LAMA3: variants seen among roughly 807,000 people sequenced by gnomAD.
LAMA3 encodes the protein laminin subunit alpha 3.
A neutral mutation model predicts 402.0 loss-of-function variants in LAMA3; 281 were observed. The observed-to-expected ratio is 0.70, with a 90% CI of 0.63 to 0.77. LAMA3 has a LOEUF of 0.77. Among genes scored for constraint, LAMA3 ranks in the 30% least tolerant of loss-of-function variants. The pLI, the probability that LAMA3 is intolerant of heterozygous loss-of-function variation, is 0.00. For synonymous variants in LAMA3, 1,431 were observed against 1,558.4 expected (o/e 0.92, Z 1.93); for missense variants, 3,840 against 4,215.5 (o/e 0.91, Z 2.47).
Position 23,713,953 on chromosome 18 carries a change from C to G in LAMA3, c.328C>G (p.Pro110Ala). 1 of 1,613,576 alleles carries G rather than the reference C, an allele frequency of 6.2e-7. No homozygotes were observed. The highest frequency in any genetic ancestry group is 8.5e-7 in the Non-Finnish European group (1 of 1,179,924). The change falls in exon 2 of 75, where the codon CCC (proline) becomes GCC (alanine). Residue 110 changes from proline to alanine, a missense_variant. Pro to Ala is a conservative substitution (Grantham distance 27, BLOSUM62 -1). Transcript: ENST00000313654. ...CTGTGACTATTGCAATTCTGAAGAC[C>G]CCAGGAAAGCACATCCTGTCACCAA... is the stretch of plus-strand genomic sequence containing the variant. ...QFCDYCNSED[P>A]RKAHPVTNAI...
intron 65 of LAMA3, chr18:23,931,762 G>C: frequency 3.9e-6 from 1 of 255,246 alleles, no homozygotes; most frequent in Non-Finnish European, 7.6e-6. Context: ...GATAGAGGGA[G>C]GGAGGCTATA....
At chr18:23,774,055 T>G (rs1385790319) in intron 9 of LAMA3, among the ~76,000 whole-genome samples, 1 of 152,144 alleles carries the variant, frequency 6.6e-6, no homozygotes, top group African/African-American at 2.4e-5. Flanking sequence ...AAACCCTGTC[T>G]CTACTAAATA....
intron 2 of LAMA3, among the ~76,000 whole-genome samples, chr18:23,741,016 C>T (rs1568132418): frequency 6.6e-6 from 1 of 151,194 alleles, no homozygotes. Flanking sequence ...TGCAGTGGTG[C>T]GACCTTGGTT....
At chr18:23,812,603 A>G (rs1941516) in intron 13 of LAMA3, among the ~76,000 whole-genome samples, 72,698 of 152,086 alleles carry the variant, frequency 0.48, 19,665 homozygotes, top group Non-Finnish European at 0.63. Context: ...AAGTCAGGAA[A>G]ACAAACCAAT....
chr18:23,765,303 CT>C (rs1598745743), intron 8 of LAMA3, among the ~76,000 whole-genome samples: 2 of 152,126 alleles, frequency 1.3e-5, no homozygotes, highest in South Asian at 2.1e-4. Context: ...AGGGAAATCC[CT>C]AATTCTGTAT....
At chr18:23,757,597 G>A (rs1034537651) in intron 6 of LAMA3, among the ~76,000 whole-genome samples, 2 of 152,042 alleles carry the variant, frequency 1.3e-5, no homozygotes, top group Non-Finnish European at 2.9e-5. Flanking sequence ...GAGTGGTGGC[G>A]CGATCTTAGG....
rs774249705 is a variant in LAMA3, at chr18:23,912,767, T to C, written c.7215T>C (p.Asn2405=). Residue 2405 remains asparagine (N), a synonymous_variant, in exon 56 of 75, where the codon AAT becomes AAC. Coordinates refer to ENST00000313654, the MANE Select transcript of LAMA3 (RefSeq NM_198129.4). Reference sequence around the variant, plus strand: ...CTGGAGTCGAAGTCCGACTGCCAAATGACCTGGAAGATTTGAAAGGATATA... The same window carrying C: ...CTGGAGTCGAAGTCCGACTGCCAAACGACCTGGAAGATTTGAAAGGATATA... ...GKSGVEVRLP[N]DLEDLKGYTS... The C allele has an allele frequency of 6.2e-7, 1 of 1,614,162 alleles. No homozygotes were observed. The highest frequency in any genetic ancestry group is 1.1e-5 in the South Asian group (1 of 91,080).
At chr18:23,717,429 C>T (rs1172733286) in intron 2 of LAMA3, among the ~76,000 whole-genome samples, 1 of 151,824 alleles carries the variant, frequency 6.6e-6, no homozygotes, top group Non-Finnish European at 1.5e-5. Flanking sequence ...GTCAATTTGA[C>T]AGCTTATGCT....
chr18:23,848,682 C>T (rs2063877238), intron 32 of LAMA3, among the ~76,000 whole-genome samples: 1 of 152,306 alleles, frequency 6.6e-6, no homozygotes, highest in Middle Eastern at 3.4e-3. Flanking sequence ...CAGTGACTCC[C>T]ACTTGAGGGT....
chr18:23,939,313 G>A lies in LAMA3; in HGVS notation c.8953G>A (p.Gly2985Arg). ...SPLPKTQANH[G>R]ALQFGDIPTS... ...ACTTCCCAAGACCCAGGCCAATCATGGAGCCCTCCAGTTTGGGGACATTCC... is the reference window on the plus strand; with the variant it reads ...ACTTCCCAAGACCCAGGCCAATCATAGAGCCCTCCAGTTTGGGGACATTCC... The change falls in exon 68 of 75, where the codon GGA becomes AGA. Residue 2985 changes from glycine (G) to arginine (R), a missense_variant. Gly to Arg is a moderately radical substitution (Grantham distance 125). Coordinates refer to ENST00000313654, the MANE Select transcript of LAMA3 (RefSeq NM_198129.4). 2 of 1,614,168 alleles carry A rather than the reference G, an allele frequency of 1.2e-6. No individual in the cohort carries two copies. Among genetic ancestry groups the A allele is most frequent in the Non-Finnish European group, 1.7e-6 (2 of 1,180,010 alleles).
intron 4 of LAMA3, among the ~76,000 whole-genome samples, chr18:23,749,861 C>T (rs1410337070): frequency 6.6e-6 from 1 of 152,134 alleles, no homozygotes; most frequent in South Asian, 2.1e-4. Context: ...TGACCCCTTA[C>T]CTCTTCACCT....
In LAMA3 at chr18:23,918,131, C is replaced by G. The variant is rs1423453527; in HGVS notation, c.7923+1436C>G. Among the ~76,000 whole-genome samples, 1 of 152,152 alleles carries G rather than the reference C, an allele frequency of 6.6e-6. No individual in the cohort carries two copies. Among genetic ancestry groups the G allele is most frequent in the African/African-American group, 2.4e-5 (1 of 41,428 alleles). Reference sequence around the variant, plus strand: ...TATGACTAGCCAGTTATCCCAGCATCACTTATTGAATAGGGAGTCCTTTCC... The same window carrying G: ...TATGACTAGCCAGTTATCCCAGCATGACTTATTGAATAGGGAGTCCTTTCC... On this transcript the variant is annotated intron_variant, in intron 60 of 74. Transcript: ENST00000313654. This position sits in a 1 kb window ranked among gnomAD's most constrained non-coding sequence, Gnocchi z 4.1.
chr18:23,715,888 A>G (rs890660726), intron 2 of LAMA3, among the ~76,000 whole-genome samples: 1 of 152,230 alleles, frequency 6.6e-6, no homozygotes, highest in African/African-American at 2.4e-5. Context: ...GAGATTTCTT[A>G]GAATGAATGT....
intron 39 of LAMA3, among the ~76,000 whole-genome samples, chr18:23,878,201 A>G (rs2064785501): frequency 6.6e-6 from 1 of 152,266 alleles, no homozygotes; most frequent in Non-Finnish European, 1.5e-5. Context: ...GCCAAAGAAC[A>G]AAGGGAGGGT....
At chr18:23,786,389 G>A (rs73396383) in intron 12 of LAMA3, among the ~76,000 whole-genome samples, 2,373 of 152,230 alleles carry the variant, frequency 0.016, 56 homozygotes, top group African/African-American at 0.055. Flanking sequence ...TTCCAGGTGG[G>A]CTCAGCAAAG....
chr18:23,939,194 GATA>G (rs1290668068), intron 67 of LAMA3, 26 bp from the exon 68 acceptor site: 1 of 1,610,470 alleles, frequency 6.2e-7, no homozygotes, highest in South Asian at 1.1e-5. Flanking sequence ...TCTTTCCCCT[GATA>G]ATTGTGTTGC....
At chr18:23,895,744 G>T (rs1347694612) in intron 44 of LAMA3, among the ~76,000 whole-genome samples, 1 of 151,610 alleles carries the variant, frequency 6.6e-6, no homozygotes, top group East Asian at 1.9e-4. Context: ...TTATTTCATT[G>T]ATTTTATCCA....
At chr18:23,924,792 C>G (rs999138412) in intron 62 of LAMA3, among the ~76,000 whole-genome samples, 1 of 152,114 alleles carries the variant, frequency 6.6e-6, no homozygotes, top group African/African-American at 2.4e-5. Context: ...ATCCACCTGC[C>G]TCTGCCTCCC....
chr18:23,884,047 GGTGT>G (rs60711151), intron 40 of LAMA3, among the ~76,000 whole-genome samples: 49,156 of 138,052 alleles, frequency 0.36, 10,165 homozygotes, highest in Non-Finnish European at 0.49. Flanking sequence ...TGGTCTCTTT[GGTGT>G]GTGTGTGTGT....
Sources: gnomAD v4.1 joint callset for allele counts (sites outside exome capture counted in the v4.1 genomes callset) on GRCh38, gnomAD v4.1.1 for gene constraint, Gnocchi (gnomAD v3.1) non-coding constraint, MANE v1.5 for transcripts, NCBI Gene and HGNC (gene_info 2026-07-23, HGNC 2026-07-21) for gene names.